The following FOXP1 variants were observed in gnomAD, a reference collection of about 807,000 sequenced individuals.
FOXP1 encodes the protein forkhead box P1.
In FOXP1, 15 loss-of-function variants were observed where a neutral mutation model predicts 98.2. The observed-to-expected ratio is 0.15, with a 90% CI of 0.10 to 0.24. FOXP1 has a LOEUF of 0.24. FOXP1 is among the 10% of genes least tolerant of loss of function. The probability of loss-of-function intolerance (pLI) is 1.00; values close to 1 mark genes in which losing one functional copy is unlikely to be tolerated. For missense variants in FOXP1, 633 were observed against 848.5 expected (o/e 0.75, Z 3.15); for synonymous variants, 371 against 314.5 (o/e 1.18, Z -1.90).
chr3:71,106,135 T>A (rs919836389), intron 7 of FOXP1, among the ~76,000 whole-genome samples: 18 of 152,320 alleles, frequency 1.2e-4, no homozygotes, highest in African/African-American at 4.1e-4. Context: ...ATCCATTAAA[T>A]GATTTAAGGA....
intron 3 of FOXP1, among the ~76,000 whole-genome samples, chr3:71,483,572 G>C (rs1279780141): frequency 1.3e-5 from 2 of 152,132 alleles, no homozygotes; most frequent in Non-Finnish European, 2.9e-5. Flanking sequence ...TGAAAATCAT[G>C]TGAAATTCTA....
chr3:71,003,279 G>T (rs1316333601), intron 12 of FOXP1, among the ~76,000 whole-genome samples: 2 of 152,204 alleles, frequency 1.3e-5, no homozygotes, highest in African/African-American at 4.8e-5. Flanking sequence ...TGAGAGCCTG[G>T]TTCTGTGTCT....
intron 3 of FOXP1, among the ~76,000 whole-genome samples, chr3:71,422,294 T>C (rs992905490): frequency 1.2e-4 from 18 of 152,104 alleles, no homozygotes; most frequent in Non-Finnish European, 2.5e-4. Context: ...CCCTTTTCAC[T>C]CCTATTAGAA....
At chr3:71,418,748 T>C (rs2083404367) in intron 3 of FOXP1, among the ~76,000 whole-genome samples, 2 of 152,104 alleles carry the variant, frequency 1.3e-5, no homozygotes, top group African/African-American at 4.8e-5. Flanking sequence ...TTTGTCCAGT[T>C]AGCCATTTGA....
At chr3:71,041,884 C>T (rs577671815) in intron 10 of FOXP1, among the ~76,000 whole-genome samples, 1 of 151,978 alleles carries the variant, frequency 6.6e-6, no homozygotes, top group Admixed American at 6.6e-5. Context: ...AAGAAGGGCT[C>T]AAAATAAATT....
chr3:71,279,422 G>T (rs745710144), intron 5 of FOXP1, among the ~76,000 whole-genome samples: 1 of 152,086 alleles, frequency 6.6e-6, no homozygotes, highest in South Asian at 2.1e-4. Context: ...TGTCATGCAT[G>T]GGGCAGGGGT....
At chr3:71,150,842 C>T (rs1247640051) in intron 6 of FOXP1, among the ~76,000 whole-genome samples, 4 of 152,096 alleles carry the variant, frequency 2.6e-5, no homozygotes, top group African/African-American at 9.7e-5. Context: ...TTGTTGTCTA[C>T]CCCGTTACGG....
intron 3 of FOXP1, among the ~76,000 whole-genome samples, chr3:71,402,130 C>A (rs1396367689): frequency 6.6e-6 from 1 of 152,140 alleles, no homozygotes; most frequent in Non-Finnish European, 1.5e-5. Context: ...AAGAAGTTCT[C>A]ATGCATGCCA....
chr3:71,535,810 G>A (rs1206841267), intron 2 of FOXP1, among the ~76,000 whole-genome samples: 1 of 152,172 alleles, frequency 6.6e-6, no homozygotes, highest in African/African-American at 2.4e-5. Flanking sequence ...GCCCCACTCT[G>A]AGATATGGCG....
intron 9 of FOXP1, among the ~76,000 whole-genome samples, chr3:71,049,423 T>A (rs1330351768): frequency 6.6e-6 from 1 of 152,158 alleles, no homozygotes; most frequent in Non-Finnish European, 1.5e-5. Context: ...CTTCAATAGC[T>A]GTATTGGGCC....
chr3:71,004,690 C>A (rs1173357295), intron 12 of FOXP1, among the ~76,000 whole-genome samples: 3 of 152,084 alleles, frequency 2.0e-5, no homozygotes, highest in African/African-American at 7.2e-5. Context: ...AATTCAGTCA[C>A]CTAAAACATG....
intron 14 of FOXP1, among the ~76,000 whole-genome samples, chr3:70,987,298 C>T (rs78844403): frequency 1.4e-3 from 212 of 152,338 alleles, no homozygotes; most frequent in African/African-American, 4.9e-3. Context: ...GGTTCAGACA[C>T]GATCCTTCTG....
intron 6 of FOXP1, among the ~76,000 whole-genome samples, chr3:71,195,122 T>C (rs983659713): frequency 1.3e-5 from 2 of 152,184 alleles, no homozygotes; most frequent in Admixed American, 6.5e-5. Flanking sequence ...TTACCAGATA[T>C]TCTAATTTTT....
intron 2 of FOXP1, among the ~76,000 whole-genome samples, chr3:71,518,726 T>C (rs1251295146): frequency 1.3e-5 from 2 of 152,174 alleles, no homozygotes; most frequent in African/African-American, 2.4e-5. Context: ...AAAATACCTA[T>C]TGGGTTTGAG....
chr3:71,583,449 C>T (rs1268351013), intron 1 of FOXP1, 122 bp downstream of exon 1: 3 of 958,236 alleles, frequency 3.1e-6, no homozygotes, highest in African/African-American at 1.8e-5. Context: ...CATTTTTTTT[C>T]TCTTTTTCTT....
At chr3:71,225,170 T>C (rs1384188722) in intron 5 of FOXP1, among the ~76,000 whole-genome samples, 1 of 152,192 alleles carries the variant, frequency 6.6e-6, no homozygotes, top group Non-Finnish European at 1.5e-5. Context: ...GTGAGAGAAG[T>C]AAAGATGCCT....
chr3:71,364,116 G>A (rs1451807761), intron 3 of FOXP1, among the ~76,000 whole-genome samples: 4 of 152,098 alleles, frequency 2.6e-5, no homozygotes, highest in Non-Finnish European at 5.9e-5. Flanking sequence ...CATCACACCC[G>A]GCTAATTTCA....
chr3:71,171,667 T>C (rs1021521541), intron 6 of FOXP1, among the ~76,000 whole-genome samples: 1 of 152,242 alleles, frequency 6.6e-6, no homozygotes, highest in African/African-American at 2.4e-5. Context: ...CTGTCCTTCA[T>C]ACTTGCAACC....
intron 5 of FOXP1, among the ~76,000 whole-genome samples, chr3:71,203,304 G>A (rs2063788727): frequency 6.6e-6 from 1 of 152,312 alleles, no homozygotes; most frequent in African/African-American, 2.4e-5. Context: ...AAACATTACA[G>A]AGCTACTGAC....
Sources: gnomAD v4.1 joint callset for allele counts (sites outside exome capture counted in the v4.1 genomes callset) on GRCh38, gnomAD v4.1.1 for gene constraint, MANE v1.5 for transcripts, NCBI Gene and HGNC (gene_info 2026-07-23, HGNC 2026-07-21) for gene names.